Variants in HS6ST3 observed in about 807,000 individuals in gnomAD.
HS6ST3 encodes heparan sulfate 6-O-sulfotransferase 3.
HS6ST3 carries 12 observed loss-of-function variants against 36.7 expected under a neutral mutation model. The ratio of observed to expected loss-of-function variants is 0.33; its 90% CI spans 0.21 to 0.53. The LOEUF (loss-of-function observed/expected upper bound fraction) is 0.53. Among genes scored for constraint, HS6ST3 ranks in the 20% least tolerant of loss-of-function variants. The pLI is 0.95. For missense variants in HS6ST3, 584 were observed against 640.9 expected (o/e 0.91, Z 0.96); for synonymous variants, 240 against 257.5 (o/e 0.93, Z 0.65).
chr13:96,326,209 G>T (rs2055030475), intron 1 of HS6ST3, among the ~76,000 whole-genome samples: 2 of 150,026 alleles, frequency 1.3e-5, no homozygotes, highest in African/African-American at 2.5e-5. Flanking sequence ...TAAGTTTTAG[G>T]GTACATGTGC....
chr13:96,785,637 C>T (rs77655101), intron 1 of HS6ST3, among the ~76,000 whole-genome samples: 2 of 152,004 alleles, frequency 1.3e-5, no homozygotes, highest in East Asian at 3.9e-4. Context: ...GACAGATAAG[C>T]GCAGCATGGG....
At chr13:96,417,309 C>G (rs1289610490) in intron 1 of HS6ST3, among the ~76,000 whole-genome samples, 2 of 152,120 alleles carry the variant, frequency 1.3e-5, no homozygotes, top group Non-Finnish European at 2.9e-5. Context: ...CCTTCATGAG[C>G]TTACATTCTA....
intron 1 of HS6ST3, among the ~76,000 whole-genome samples, chr13:96,754,396 A>C (rs967367921): frequency 6.6e-6 from 1 of 152,210 alleles, no homozygotes; most frequent in Non-Finnish European, 1.5e-5. Context: ...TCTTTCAAAC[A>C]TTACAGATTA....
Position 96,091,126 on chromosome 13 carries a change from G to T in HS6ST3, c.264G>T (p.Pro88=), listed in dbSNP as rs1445127737. 1 of 1,444,640 alleles carries T rather than the reference G, an allele frequency of 6.9e-7. No homozygotes were observed. Among genetic ancestry groups the T allele is most frequent in the African/African-American group, 1.5e-5 (1 of 68,172 alleles). The allele number at this position is 1,444,640 out of a possible 1,614,324, so 89.5% of individuals were successfully genotyped here. A position where few individuals can be genotyped will look rare whatever the true frequency, so the allele number is the denominator to read the frequency against. Residue 88 remains proline, a synonymous_variant, in exon 1 of 2, where the codon CCG becomes CCT. Coordinates refer to ENST00000376705, the MANE Select transcript of HS6ST3 (RefSeq NM_153456.4). Reference sequence around the variant, plus strand: ...AGGGACCTCGGGGGGCCGCGGCGCCGGAGGAGGAGGACGAGGAGCCCGGAG... The same window carrying T: ...AGGGACCTCGGGGGGCCGCGGCGCCTGAGGAGGAGGACGAGGAGCCCGGAG... ...PPEGPRGAAA[P]EEEDEEPGDP...
intron 1 of HS6ST3, among the ~76,000 whole-genome samples, chr13:96,600,710 AATT>A (rs1262980535): frequency 6.6e-6 from 1 of 151,976 alleles, no homozygotes; most frequent in Non-Finnish European, 1.5e-5. Context: ...TCATCATAAT[AATT>A]ATTATCTAGT....
At chr13:96,557,820 G>T (rs1447455319) in intron 1 of HS6ST3, among the ~76,000 whole-genome samples, 1 of 152,164 alleles carries the variant, frequency 6.6e-6, no homozygotes, top group Non-Finnish European at 1.5e-5. Flanking sequence ...AGTGATTAGA[G>T]CATTGACTTT....
At chr13:96,353,494 A>G (rs12873008) in intron 1 of HS6ST3, among the ~76,000 whole-genome samples, 1 of 152,142 alleles carries the variant, frequency 6.6e-6, no homozygotes, top group African/African-American at 2.4e-5. Flanking sequence ...CTAAAATTCC[A>G]CGAATAAAGG....
At chr13:96,181,457 T>C (rs928447089) in intron 1 of HS6ST3, among the ~76,000 whole-genome samples, 1 of 152,218 alleles carries the variant, frequency 6.6e-6, no homozygotes, top group African/African-American at 2.4e-5. Context: ...TCTGAATATT[T>C]TCCTGAGGAA....
At chr13:96,247,874 A>G (rs1347988257) in intron 1 of HS6ST3, among the ~76,000 whole-genome samples, 1 of 152,168 alleles carries the variant, frequency 6.6e-6, no homozygotes, top group Admixed American at 6.5e-5. Context: ...TGTGAGGGTC[A>G]TTTTAAATTT....
chr13:96,391,055 G>A (rs967592851), intron 1 of HS6ST3, among the ~76,000 whole-genome samples: 3 of 151,926 alleles, frequency 2.0e-5, no homozygotes, highest in Admixed American at 6.6e-5. Context: ...TCCCAGCCAC[G>A]CCGTACATCT....
intron 1 of HS6ST3, among the ~76,000 whole-genome samples, chr13:96,659,369 T>C (rs188361990): frequency 1.4e-4 from 22 of 152,250 alleles, no homozygotes; most frequent in Non-Finnish European, 5.9e-5. Flanking sequence ...TTTGCCTTTT[T>C]CTTATTAGGT....
At chr13:96,109,576 A>G (rs1297485481) in intron 1 of HS6ST3, among the ~76,000 whole-genome samples, 1 of 152,226 alleles carries the variant, frequency 6.6e-6, no homozygotes, top group African/African-American at 2.4e-5. Context: ...ACTTACATTT[A>G]TCAGAATCTG....
chr13:96,262,996 G>A lies in HS6ST3; in HGVS notation c.707+171427G>A, dbSNP rs188539922. 1.2e-4 allele frequency among the ~76,000 whole-genome samples: 18 copies of A among 152,128 alleles called. No homozygotes were observed. In the South Asian group the frequency reaches 1.7e-3, roughly 14 times the overall value. ...TTAAGTGCATAAAATAAAATACATAGGATTACAATAGAAACCACGTATATT... is the reference window on the plus strand; with the variant it reads ...TTAAGTGCATAAAATAAAATACATAAGATTACAATAGAAACCACGTATATT... On this transcript the variant is annotated intron_variant, in intron 1 of 1. Coordinates refer to ENST00000376705, the MANE Select transcript of HS6ST3 (RefSeq NM_153456.4).
At chr13:96,317,348 A>ATATAAT (rs1555297603) in intron 1 of HS6ST3, among the ~76,000 whole-genome samples, 7 of 30,452 alleles carry the variant, frequency 2.3e-4, no homozygotes, top group Non-Finnish European at 4.4e-4. Flanking sequence ...ATATATATAT[A>ATATAAT]TATATATATA....
intron 1 of HS6ST3, among the ~76,000 whole-genome samples, chr13:96,646,028 A>C (rs560756506): frequency 1.2e-4 from 19 of 152,122 alleles, no homozygotes; most frequent in African/African-American, 4.3e-4. Context: ...TAGACTTAGA[A>C]AGACAATTTC....
chr13:96,774,362 G>T (rs1877340410), intron 1 of HS6ST3, among the ~76,000 whole-genome samples: 1 of 152,118 alleles, frequency 6.6e-6, no homozygotes, highest in Non-Finnish European at 1.5e-5. Context: ...GCTTCAGAAG[G>T]TGGGTAATAA....
chr13:96,642,531 G>A (rs1416790017), intron 1 of HS6ST3, among the ~76,000 whole-genome samples: 1 of 151,664 alleles, frequency 6.6e-6, no homozygotes, highest in Non-Finnish European at 1.5e-5. Context: ...TGTACACATT[G>A]GTTCACTTGA....
chr13:96,512,111 A>G (rs2138920537), intron 1 of HS6ST3, among the ~76,000 whole-genome samples: 1 of 152,288 alleles, frequency 6.6e-6, no homozygotes, highest in Admixed American at 6.5e-5. Context: ...CTCTTGCCTA[A>G]TTGCTCTGGC....
intron 1 of HS6ST3, among the ~76,000 whole-genome samples, chr13:96,687,595 A>T (rs896789007): frequency 1.8e-4 from 27 of 151,970 alleles, no homozygotes; most frequent in African/African-American, 6.3e-4. Flanking sequence ...AGCATTTTCC[A>T]TCTGTAAAAT....
Sources: gnomAD v4.1 joint callset for allele counts (sites outside exome capture counted in the v4.1 genomes callset) on GRCh38, gnomAD v4.1.1 for gene constraint, MANE v1.5 for transcripts, NCBI Gene and HGNC (gene_info 2026-07-23, HGNC 2026-07-21) for gene names.